The following FBXO32 variants were observed in gnomAD, a reference collection of about 807,000 sequenced individuals.
FBXO32 encodes the protein F-box protein 32, also known as F-box only protein 32.
In FBXO32, 15 loss-of-function variants were observed where a neutral mutation model predicts 48.3. The observed-to-expected ratio is 0.31, with a 90% CI of 0.21 to 0.48. The LOEUF (loss-of-function observed/expected upper bound fraction) is 0.48, where lower values mean the gene tolerates loss of function less well. FBXO32 is among the 20% of genes least tolerant of loss of function. FBXO32 has a pLI of 0.99. For missense variants in FBXO32, 309 were observed against 432.7 expected (o/e 0.71, Z 2.54); for synonymous variants, 154 against 165.9 (o/e 0.93, Z 0.55).
chr8:123,512,883 A>G (rs539913397), intron 6 of FBXO32, among the ~76,000 whole-genome samples: 5 of 152,306 alleles, frequency 3.3e-5, no homozygotes, highest in Non-Finnish European at 7.4e-5. Context: ...AAATGAGCAA[A>G]GAGACATCTC....
chr8:123,531,278 G>A (rs542282131), intron 4 of FBXO32, among the ~76,000 whole-genome samples: 12 of 152,230 alleles, frequency 7.9e-5, no homozygotes, highest in East Asian at 3.9e-4. Flanking sequence ...CACCGCACCC[G>A]GCCAAAACAG....
At chr8:123,523,623 C>CAACA (rs140268507) in intron 4 of FBXO32, among the ~76,000 whole-genome samples, 2 of 144,256 alleles carry the variant, frequency 1.4e-5, no homozygotes, top group African/African-American at 2.6e-5. Context: ...ACAACAACAA[C>CAACA]AACAAACAAA....
rs77241191 is a variant in FBXO32, at chr8:123,504,862, C to T, written c.835-115G>A. ...CCCTTTCCCCCTCTTTTCAGCTCTACAATAGCCAGGAAGGAAAACTGTCAC... is the reference window on the plus strand; with the variant it reads ...CCCTTTCCCCCTCTTTTCAGCTCTATAATAGCCAGGAAGGAAAACTGTCAC... On this transcript the variant is annotated intron_variant, in intron 7 of 8. Coordinates refer to ENST00000517956, the MANE Select transcript of FBXO32 (RefSeq NM_058229.4). 215 of 964,392 alleles carry T rather than the reference C, an allele frequency of 2.2e-4. 1 individual carries two copies. The African/African-American group carries it at 3.2e-3, about 14-fold the overall frequency. The allele number at this position is 964,392 out of a possible 1,614,324, so 59.7% of individuals were successfully genotyped here.
rs559181561 is a variant in FBXO32 at position 123,513,905 on chromosome 8, T to C, written c.466+335A>G. 102 of 253,754 alleles carry C rather than the reference T, an allele frequency of 4.0e-4. No individual in the cohort carries two copies. Among genetic ancestry groups the C allele is most frequent in the Non-Finnish European group, 5.4e-4 (72 of 133,972 alleles). 15.7% of individuals were successfully genotyped at this position (253,754 alleles called of 1,614,324 possible). A position where few individuals can be genotyped will look rare whatever the true frequency, so the allele number is the denominator to read the frequency against. On this transcript the variant is annotated intron_variant, in intron 5 of 8. Coordinates refer to ENST00000517956, the MANE Select transcript of FBXO32 (RefSeq NM_058229.4). This position sits in a 1 kb window ranked among gnomAD's most constrained non-coding sequence, Gnocchi z 4.3. ...AATAGTCTACGAATCTATTCTGACT[T>C]TGTACACATGTCGATTTTCTAGGAA...
At chr8:123,511,887 A>G (rs1816742759) in intron 6 of FBXO32, among the ~76,000 whole-genome samples, 1 of 152,120 alleles carries the variant, frequency 6.6e-6, no homozygotes, top group South Asian at 2.1e-4. Context: ...CTGGCCTTAG[A>G]AAAATCCCAG....
intron 6 of FBXO32, among the ~76,000 whole-genome samples, chr8:123,511,820 G>T (rs1263994253): frequency 4.6e-5 from 7 of 152,148 alleles, no homozygotes; most frequent in Admixed American, 4.6e-4. Flanking sequence ...CTGAAGGGAA[G>T]TGCCCTTGGG....
chr8:123,536,179 T>A (rs1274065855), intron 1 of FBXO32, among the ~76,000 whole-genome samples: 2 of 152,238 alleles, frequency 1.3e-5, no homozygotes, highest in Non-Finnish European at 2.9e-5. Context: ...CATTTGTTAA[T>A]CTTCCTTCAT....
Position 123,501,982 on chromosome 8 carries a change from G to C in FBXO32, c.*1391C>G, listed in dbSNP as rs1196618198. ...TTACAACGAACTCATTAGGTCCTGA[G>C]ATTTCCTTTCTTCCACAGTTACCTG... On this transcript the variant is annotated 3_prime_UTR_variant, in exon 9 of 9. Coordinates refer to ENST00000517956, the MANE Select transcript of FBXO32 (RefSeq NM_058229.4). 3 of 152,186 alleles carry C rather than the reference G, an allele frequency of 2.0e-5. No homozygotes were observed. Among genetic ancestry groups the C allele is most frequent in the Admixed American group, 1.3e-4 (2 of 15,286 alleles). The allele number at this position is 152,186 out of a possible 1,614,324, so 9.4% of individuals were successfully genotyped here. A position where few individuals can be genotyped will look rare whatever the true frequency, so the allele number is the denominator to read the frequency against.
chr8:123,510,454 A>T (rs1020352930), intron 6 of FBXO32, among the ~76,000 whole-genome samples: 4 of 152,232 alleles, frequency 2.6e-5, no homozygotes, highest in Admixed American at 2.6e-4. Flanking sequence ...TCTACCAAAA[A>T]ATACAAAAAT....
At chr8:123,527,462 C>T (rs749451431) in intron 4 of FBXO32, among the ~76,000 whole-genome samples, 1 of 152,078 alleles carries the variant, frequency 6.6e-6, no homozygotes, top group Non-Finnish European at 1.5e-5. Context: ...CACTAAGGAC[C>T]AGGGGAACGG....
At chr8:123,529,774 A>G (rs1037660647) in intron 4 of FBXO32, among the ~76,000 whole-genome samples, 9 of 152,238 alleles carry the variant, frequency 5.9e-5, no homozygotes, top group African/African-American at 2.2e-4. Flanking sequence ...TTGAAAAGAT[A>G]AAAGGTGAAA....
chr8:123,503,475 A>T lies in FBXO32; in HGVS notation c.979-13T>A. On this transcript the variant is annotated splice_polypyrimidine_tract_variant and intron_variant, in intron 8 of 8. Coordinates refer to ENST00000517956, the MANE Select transcript of FBXO32 (RefSeq NM_058229.4). ...GATGGTCAGTGCCCTGGAAAGGAACACATGGTTAGCTTCAAGTTCTCAGAG... is the reference window on the plus strand; with the variant it reads ...GATGGTCAGTGCCCTGGAAAGGAACTCATGGTTAGCTTCAAGTTCTCAGAG... The T allele has an allele frequency of 6.2e-7, 1 of 1,611,948 alleles. No homozygotes were observed. Among genetic ancestry groups the T allele is most frequent in the East Asian group, 2.2e-5 (1 of 44,866 alleles).
At chr8:123,531,661 G>A (rs950331116) in intron 4 of FBXO32, among the ~76,000 whole-genome samples, 2 of 152,226 alleles carry the variant, frequency 1.3e-5, no homozygotes, top group Non-Finnish European at 2.9e-5. Flanking sequence ...CGACTCACTG[G>A]GGTATTATGG....
At chr8:123,504,386 C>T (rs573472814) in intron 8 of FBXO32, among the ~76,000 whole-genome samples, 16 of 151,986 alleles carry the variant, frequency 1.1e-4, no homozygotes, top group Middle Eastern at 3.4e-3. Context: ...GTGGGTGGAA[C>T]GCAGAAAAAA....
chr8:123,513,173 G>A lies in FBXO32; in HGVS notation c.651+25C>T, dbSNP rs1458762423. On this transcript the variant is annotated intron_variant, in intron 6 of 8. Transcript: ENST00000517956. The surrounding 1 kb of genome is among the most constrained non-coding windows in gnomAD (Gnocchi z 4.3). ...TCCCTGTGGAGGGACCCACTGCCGG[G>A]AGGAGGCTGGGCCTGCCCGCTTACC... The A allele has an allele frequency of 1.2e-6, 2 of 1,613,534 alleles. No individual in the cohort carries two copies. Among genetic ancestry groups the A allele is most frequent in the Non-Finnish European group, 1.7e-6 (2 of 1,179,552 alleles).
intron 2 of FBXO32, among the ~76,000 whole-genome samples, chr8:123,533,932 A>G (rs979241794): frequency 6.6e-6 from 1 of 152,076 alleles, no homozygotes; most frequent in Non-Finnish European, 1.5e-5. Flanking sequence ...GTCTCTACTA[A>G]AAACACAAAA....
intron 6 of FBXO32, among the ~76,000 whole-genome samples, chr8:123,510,640 T>G: frequency 6.6e-6 from 1 of 152,010 alleles, no homozygotes; most frequent in East Asian, 1.9e-4. Context: ...GGTAAATTAT[T>G]ATCATCATTC....
intron 1 of FBXO32, among the ~76,000 whole-genome samples, chr8:123,537,164 CA>C (rs1171886760): frequency 3.3e-5 from 5 of 151,654 alleles, no homozygotes; most frequent in African/African-American, 9.7e-5. Flanking sequence ...CAAGAAAATG[CA>C]AAGCCAATGG....
At chr8:123,517,097 A>G (rs995986020) in intron 4 of FBXO32, among the ~76,000 whole-genome samples, 1 of 152,182 alleles carries the variant, frequency 6.6e-6, no homozygotes, top group African/African-American at 2.4e-5. Flanking sequence ...AAGCAGATGA[A>G]AGAAAACAAA....
Sources: gnomAD v4.1 joint callset for allele counts (sites outside exome capture counted in the v4.1 genomes callset) on GRCh38, gnomAD v4.1.1 for gene constraint, Gnocchi (gnomAD v3.1) non-coding constraint, MANE v1.5 for transcripts, NCBI Gene and HGNC (gene_info 2026-07-23, HGNC 2026-07-21) for gene names.